Variants in SPOCK1 observed in about 807,000 individuals in gnomAD.
SPOCK1 encodes SPARC (osteonectin), cwcv and kazal like domains proteoglycan 1.
In SPOCK1, 23 loss-of-function variants were observed where a neutral mutation model predicts 55.3. The ratio of observed to expected loss-of-function variants is 0.42; its 90% CI spans 0.30 to 0.59. SPOCK1 has a LOEUF of 0.59. Ranked by LOEUF, SPOCK1 falls within the 20% of genes least tolerant of loss-of-function variation. The pLI is 0.22. For missense variants in SPOCK1, 499 were observed against 552.5 expected (o/e 0.90, Z 0.97); for synonymous variants, 226 against 221.0 (o/e 1.02, Z -0.20).
At chr5:137,243,495 T>C (rs946716205) in intron 3 of SPOCK1, among the ~76,000 whole-genome samples, 5 of 152,208 alleles carry the variant, frequency 3.3e-5, no homozygotes, top group Non-Finnish European at 5.9e-5. Context: ...TATTCACATA[T>C]GGGTACCATC....
intron 2 of SPOCK1, among the ~76,000 whole-genome samples, chr5:137,316,103 T>A (rs879852160): frequency 1.3e-5 from 2 of 152,130 alleles, no homozygotes; most frequent in East Asian, 3.9e-4. Flanking sequence ...AAATCCAAGA[T>A]TGAAGTGATA....
At chr5:137,348,969 G>A (rs574107829) in intron 2 of SPOCK1, among the ~76,000 whole-genome samples, 2 of 152,192 alleles carry the variant, frequency 1.3e-5, no homozygotes, top group African/African-American at 2.4e-5. Context: ...CCAAACCTCC[G>A]AGATTGGTTA....
At position 137,170,983 on chromosome 5, in the gene SPOCK1, C is replaced by A. The variant is rs1201952799; in HGVS notation, c.233-30289G>T. 3.3e-5 allele frequency among the ~76,000 whole-genome samples: 5 copies of A among 152,180 alleles called. No homozygotes were observed. In the South Asian group the frequency reaches 6.3e-4, roughly 19 times the overall value. ...TTAATCACTGTGCTGTGAGACTATG[C>A]CCACAGTTAACCAGGTGAGAGACTG... On this transcript the variant is annotated intron_variant, in intron 3 of 10. Coordinates refer to ENST00000394945, the MANE Select transcript of SPOCK1 (RefSeq NM_004598.4).
intron 2 of SPOCK1, among the ~76,000 whole-genome samples, chr5:137,336,395 A>T (rs1307986826): frequency 6.6e-6 from 1 of 152,152 alleles, no homozygotes; most frequent in African/African-American, 2.4e-5. Context: ...TGACCCAATT[A>T]TTCTCTCCTC....
intron 4 of SPOCK1, among the ~76,000 whole-genome samples, chr5:137,121,892 GTA>G (rs1188117266): frequency 6.9e-6 from 1 of 144,696 alleles, no homozygotes; most frequent in Non-Finnish European, 1.5e-5. Flanking sequence ...ATAATTATTA[GTA>G]TATGTTATTA....
Position 137,156,813 on chromosome 5 carries a change from G to A in SPOCK1, c.233-16119C>T, listed in dbSNP as rs529347826. On this transcript the variant is annotated intron_variant, in intron 3 of 10. Coordinates refer to ENST00000394945, the MANE Select transcript of SPOCK1 (RefSeq NM_004598.4). ...TTGCTCAAGCACCTACAGCTAGAAGGGATGAGCAAGAATTCATACATAAGT... is the reference window on the plus strand; with the variant it reads ...TTGCTCAAGCACCTACAGCTAGAAGAGATGAGCAAGAATTCATACATAAGT... Among the ~76,000 whole-genome samples the A allele has an allele frequency of 2.4e-4, 36 of 152,232 alleles. 2 individuals are homozygous for A. The highest frequency in any genetic ancestry group is 2.2e-3 in the Admixed American group (34 of 15,292).
intron 3 of SPOCK1, among the ~76,000 whole-genome samples, chr5:137,178,299 C>T (rs1039705668): frequency 2.6e-5 from 4 of 152,264 alleles, no homozygotes; most frequent in African/African-American, 9.6e-5. Context: ...ATGGTAAACA[C>T]ATACTTTGTG....
chr5:136,979,188 T>G, intron 10 of SPOCK1, 144 bp downstream of exon 10: 1 of 1,229,896 alleles, frequency 8.1e-7, no homozygotes, highest in Non-Finnish European at 1.1e-6. Context: ...GGAGCTCATG[T>G]GATTTCAGGG....
At chr5:137,420,595 T>C (rs548198448) in intron 2 of SPOCK1, among the ~76,000 whole-genome samples, 10 of 152,344 alleles carry the variant, frequency 6.6e-5, no homozygotes, top group Non-Finnish European at 1.2e-4. Context: ...AGAGGTGTTA[T>C]AGTATTCTCT....
chr5:137,296,923 A>G (rs1757499861), intron 2 of SPOCK1, among the ~76,000 whole-genome samples: 1 of 152,324 alleles, frequency 6.6e-6, no homozygotes. Flanking sequence ...GCTAATCCCA[A>G]TGAACTGCAA....
chr5:137,382,779 G>A (rs1027002151), intron 2 of SPOCK1, among the ~76,000 whole-genome samples: 1 of 152,118 alleles, frequency 6.6e-6, no homozygotes, highest in African/African-American at 2.4e-5. Context: ...TTTCGGAGGG[G>A]ACACAAATCC....
intron 2 of SPOCK1, among the ~76,000 whole-genome samples, chr5:137,344,295 T>C (rs1397804512): frequency 6.6e-6 from 1 of 152,220 alleles, no homozygotes; most frequent in African/African-American, 2.4e-5. Context: ...CTGATGACTA[T>C]TTAAAAATCA....
At chr5:137,362,744 A>G (rs1030114345) in intron 2 of SPOCK1, among the ~76,000 whole-genome samples, 4 of 152,206 alleles carry the variant, frequency 2.6e-5, no homozygotes, top group African/African-American at 9.7e-5. Flanking sequence ...TACATGAAAG[A>G]ATGAGCATGG....
chr5:137,316,184 C>T (rs1004422555), intron 2 of SPOCK1, among the ~76,000 whole-genome samples: 1 of 152,130 alleles, frequency 6.6e-6, no homozygotes, highest in African/African-American at 2.4e-5. Context: ...GGTGGAAGGA[C>T]GAGAGCCAAA....
chr5:137,198,673 T>C (rs1755350887), intron 3 of SPOCK1, among the ~76,000 whole-genome samples: 1 of 152,248 alleles, frequency 6.6e-6, no homozygotes, highest in Admixed American at 6.5e-5. Flanking sequence ...TTTTATATAG[T>C]ATGGCTAGCA....
chr5:137,326,239 C>G (rs1337007614), intron 2 of SPOCK1, among the ~76,000 whole-genome samples: 1 of 150,880 alleles, frequency 6.6e-6, no homozygotes, highest in Non-Finnish European at 1.5e-5. Flanking sequence ...ATCCTAACAT[C>G]AACCCTTTAA....
At chr5:137,419,519 C>T (rs1012750333) in intron 2 of SPOCK1, among the ~76,000 whole-genome samples, 5 of 152,176 alleles carry the variant, frequency 3.3e-5, no homozygotes, top group Admixed American at 6.5e-5. Flanking sequence ...TCCTTCACAT[C>T]CTTTGTAAGT....
intron 2 of SPOCK1, among the ~76,000 whole-genome samples, chr5:137,399,395 T>A (rs560880805): frequency 6.6e-6 from 1 of 151,848 alleles, no homozygotes; most frequent in African/African-American, 2.4e-5. Context: ...TTGTTGTTGT[T>A]GTAATTGCTT....
intron 2 of SPOCK1, among the ~76,000 whole-genome samples, chr5:137,302,318 C>G (rs528634817): frequency 6.6e-6 from 1 of 151,908 alleles, no homozygotes; most frequent in East Asian, 1.9e-4. Flanking sequence ...GCCTGTAATC[C>G]CAGCACTTTG....
Sources: allele counts gnomAD v4.1 joint callset (sites outside exome capture counted in the v4.1 genomes callset), GRCh38; gene constraint gnomAD v4.1.1; transcripts MANE v1.5; gene names NCBI Gene and HGNC (gene_info 2026-07-23, HGNC 2026-07-21).